Variants in HPGDS observed in about 807,000 individuals in gnomAD.
HPGDS encodes the protein GST class-sigma.
Under a neutral mutation model 23.1 loss-of-function variants are expected in HPGDS, and 26 were observed. The observed-to-expected ratio is 1.13, with a 90% CI of 0.83 to 1.56. The LOEUF is 1.56. Ranked by LOEUF, HPGDS falls within the 40% of genes most tolerant of loss-of-function variation. The probability of loss-of-function intolerance (pLI) is 0.00; values close to 1 mark genes in which losing one functional copy is unlikely to be tolerated. For synonymous variants in HPGDS, 95 were observed against 77.9 expected (o/e 1.22, Z -1.16); for missense variants, 268 against 236.4 (o/e 1.13, Z -0.88).
Position 94,298,939 on chromosome 4 carries a change from T to G in HPGDS, c.*541A>C, listed in dbSNP as rs1011936481. 8.5e-5 allele frequency: 13 copies of G among 152,254 alleles called. No individual in the cohort carries two copies. Among genetic ancestry groups the G allele is most frequent in the Admixed American group, 8.5e-4 (13 of 15,280 alleles). The allele number at this position is 152,254 out of a possible 1,614,324, so 9.4% of individuals were successfully genotyped here. A position where few individuals can be genotyped will look rare whatever the true frequency, so the allele number is the denominator to read the frequency against. ...GTAAAATGTCAAAGGGATTTATCAC[T>G]GGGCCACAAGCAGGCAATAGCAATA... On this transcript the variant is annotated 3_prime_UTR_variant, in exon 6 of 6. Transcript: ENST00000295256.
chr4:94,314,355 A>G (rs536508970), intron 3 of HPGDS, among the ~76,000 whole-genome samples: 1 of 152,214 alleles, frequency 6.6e-6, no homozygotes, highest in South Asian at 2.1e-4. Flanking sequence ...TTTCCTTTTA[A>G]CAGTCAGGAC....
intron 3 of HPGDS, among the ~76,000 whole-genome samples, chr4:94,311,939 G>C (rs111640550): frequency 0.36 from 54,348 of 151,426 alleles, 10,745 homozygotes; most frequent in East Asian, 0.7. Context: ...GGTGTTTATA[G>C]TATTCTCTGA....
At chr4:94,310,969 T>A (rs1164637255) in intron 3 of HPGDS, among the ~76,000 whole-genome samples, 1 of 144,900 alleles carries the variant, frequency 6.9e-6, no homozygotes, top group Non-Finnish European at 1.5e-5. Flanking sequence ...ATACTTGTGA[T>A]TTTTGCACAT....
Position 94,299,425 on chromosome 4 carries a change from A to G in HPGDS, c.*55T>C. ...TCTGGCAGGCTGATGTAGCTGTCTTATCTGATGAGAGAGATGCCCCCGAGA... is the reference window on the plus strand; with the variant it reads ...TCTGGCAGGCTGATGTAGCTGTCTTGTCTGATGAGAGAGATGCCCCCGAGA... On this transcript the variant is annotated 3_prime_UTR_variant, in exon 6 of 6. Coordinates refer to ENST00000295256, the MANE Select transcript of HPGDS (RefSeq NM_014485.3). 2.0e-6 allele frequency: 3 copies of G among 1,510,874 alleles called. No individual in the cohort carries two copies. In the Admixed American group the frequency reaches 5.8e-5, roughly 29 times the overall value. The allele number at this position is 1,510,874 out of a possible 1,614,324, so 93.6% of individuals were successfully genotyped here. A position where few individuals can be genotyped will look rare whatever the true frequency, so the allele number is the denominator to read the frequency against.
intron 2 of HPGDS, among the ~76,000 whole-genome samples, chr4:94,327,115 G>T (rs1453371176): frequency 6.6e-6 from 1 of 151,964 alleles, no homozygotes; most frequent in Non-Finnish European, 1.5e-5. Context: ...TGGGTGTGTG[G>T]ATTCCTAGGC....
In HPGDS at chr4:94,334,532, C is replaced by T; in HGVS notation, c.98G>A (p.Arg33Lys). 1 of 1,611,250 alleles carries T rather than the reference C, an allele frequency of 6.2e-7. No individual in the cohort carries two copies. Among genetic ancestry groups the T allele is most frequent in the African/African-American group, 1.3e-5 (1 of 74,878 alleles). ...TTCAGGCCAGTCAGCTTGTTCTATT[C>T]TGTGGTCTTCATACTGTATGTCCAA... ...AYLDIQYEDH[R>K]IEQADWPEIK... Residue 33 changes from arginine to lysine, a missense_variant, in exon 2 of 6, where the codon AGA becomes AAA. By Grantham distance (26) the Arg-to-Lys change is conservative. Coordinates refer to ENST00000295256, the MANE Select transcript of HPGDS (RefSeq NM_014485.3).
chr4:94,315,126 G>T (rs149018179), intron 3 of HPGDS, among the ~76,000 whole-genome samples: 1 of 152,098 alleles, frequency 6.6e-6, no homozygotes, highest in African/African-American at 2.4e-5. Context: ...GCTCATGCTC[G>T]GTGCACTGCA....
rs1756429775 is a variant in HPGDS, at chr4:94,317,981, G to A, written c.134-16C>T. On this transcript the variant is annotated splice_polypyrimidine_tract_variant and intron_variant, in intron 2 of 5. Transcript: ENST00000295256. ...AATGGGAGAGCTTAAAATGAAATGA[G>A]CAAATAATTAACTTCATAACAAAAC... The A allele has an allele frequency of 6.8e-7, 1 of 1,461,112 alleles. No individual in the cohort carries two copies. The highest frequency in any genetic ancestry group is 9.6e-7 in the Non-Finnish European group (1 of 1,044,552). 90.5% of individuals were successfully genotyped at this position (1,461,112 alleles called of 1,614,324 possible). A position where few individuals can be genotyped will look rare whatever the true frequency, so the allele number is the denominator to read the frequency against.
intron 1 of HPGDS, among the ~76,000 whole-genome samples, chr4:94,338,510 C>T (rs1294046927): frequency 6.6e-6 from 1 of 152,156 alleles, no homozygotes; most frequent in Non-Finnish European, 1.5e-5. Context: ...AACATTATCA[C>T]TCATTTGTGA....
chr4:94,315,594 T>C (rs576743184), intron 3 of HPGDS, among the ~76,000 whole-genome samples: 3 of 152,240 alleles, frequency 2.0e-5, no homozygotes, highest in African/African-American at 7.2e-5. Flanking sequence ...GTGTAGAAGC[T>C]TTCTAAAATG....
chr4:94,329,405 G>A (rs1390129364), intron 2 of HPGDS, among the ~76,000 whole-genome samples: 3 of 152,180 alleles, frequency 2.0e-5, no homozygotes, highest in Non-Finnish European at 4.4e-5. Context: ...AGCAAGCTCA[G>A]AGAATAGTCT....
rs570765719 is a variant in HPGDS, at chr4:94,339,033, T to A, written c.-10+3762A>T. Among the ~76,000 whole-genome samples, 3 of 152,308 alleles carry A rather than the reference T, an allele frequency of 2.0e-5. No individual in the cohort carries two copies. The East Asian group carries it at 5.8e-4, about 29-fold the overall frequency. On this transcript the variant is annotated intron_variant, in intron 1 of 5. Transcript: ENST00000295256. ...CATTGTCTTAAAACAGAACCTCATA[T>A]ATAGGACAGACATGACATAGAGTGA...
rs149328524 is a variant in HPGDS at position 94,308,724 on chromosome 4, T to C, written c.246A>G (p.Glu82=). The change falls in exon 4 of 6, where the codon GAA becomes GAG. Residue 82 remains glutamate (E), a synonymous_variant. Coordinates refer to ENST00000295256, the MANE Select transcript of HPGDS (RefSeq NM_014485.3). ...TAGCATCAACATGACATTGTTCCATTTCTGTGTTTCCAGCCAAATCTGTGG... is the reference window on the plus strand; with the variant it reads ...TAGCATCAACATGACATTGTTCCATCTCTGTGTTTCCAGCCAAATCTGTGG... ...TKNTDLAGNT[E]MEQCHVDAIV... is the part of the protein sequence containing the mutation. 30 of 1,599,774 alleles carry C rather than the reference T, an allele frequency of 1.9e-5. No individual in the cohort carries two copies. In the African/African-American group the frequency reaches 3.1e-4, roughly 16 times the overall value.
intron 3 of HPGDS, among the ~76,000 whole-genome samples, chr4:94,313,301 C>T (rs1043316767): frequency 1.3e-5 from 2 of 152,120 alleles, no homozygotes; most frequent in Admixed American, 1.3e-4. Flanking sequence ...ATGTTTAGTG[C>T]TTCCTTCAGG....
intron 3 of HPGDS, among the ~76,000 whole-genome samples, chr4:94,311,606 T>G (rs891950159): frequency 1.3e-5 from 2 of 151,304 alleles, no homozygotes; most frequent in African/African-American, 2.5e-5. Flanking sequence ...TCTCTTTTTT[T>G]GTTGTGTCTC....
At chr4:94,322,441 C>T (rs1243072326) in intron 2 of HPGDS, among the ~76,000 whole-genome samples, 4 of 152,066 alleles carry the variant, frequency 2.6e-5, no homozygotes, top group South Asian at 4.2e-4. Flanking sequence ...AATTTCAGAT[C>T]CTGTTATTGG....
intron 3 of HPGDS, among the ~76,000 whole-genome samples, chr4:94,315,322 G>A (rs902673108): frequency 6.6e-6 from 1 of 152,084 alleles, no homozygotes; most frequent in African/African-American, 2.4e-5. Flanking sequence ...CAACTGATTA[G>A]GTTTATTTCC....
chr4:94,336,355 A>C (rs944666508), intron 1 of HPGDS, among the ~76,000 whole-genome samples: 4 of 152,170 alleles, frequency 2.6e-5, no homozygotes, highest in African/African-American at 7.2e-5. Context: ...CTGGTTGCCT[A>C]TCTAGAAGCT....
At chr4:94,318,240 C>T (rs1247466503) in intron 2 of HPGDS, among the ~76,000 whole-genome samples, 2 of 152,060 alleles carry the variant, frequency 1.3e-5, no homozygotes, top group South Asian at 2.1e-4. Flanking sequence ...ATTTTACATG[C>T]TTACTGTTAA....
Sources: allele counts gnomAD v4.1 joint callset (sites outside exome capture counted in the v4.1 genomes callset), GRCh38; gene constraint gnomAD v4.1.1; transcripts MANE v1.5; gene names NCBI Gene and HGNC (gene_info 2026-07-23, HGNC 2026-07-21).